Variants in TSHZ2 observed in about 807,000 individuals in gnomAD.
The protein encoded by TSHZ2 is teashirt homolog 2.
Under a neutral mutation model 74.4 loss-of-function variants are expected in TSHZ2, and 21 were observed. The ratio of observed to expected loss-of-function variants is 0.28; its 90% CI spans 0.20 to 0.41. The LOEUF (loss-of-function observed/expected upper bound fraction) is 0.41. TSHZ2 is among the 10% of genes least tolerant of loss of function. The pLI is 1.00. For synonymous variants in TSHZ2, 540 were observed against 515.3 expected (o/e 1.05, Z -0.65); for missense variants, 1,244 against 1,293.5 (o/e 0.96, Z 0.59).
chr20:53,388,608 T>TC (rs1287323379), intron 2 of TSHZ2, among the ~76,000 whole-genome samples: 49 of 150,240 alleles, frequency 3.3e-4, no homozygotes, highest in African/African-American at 1.1e-3. Flanking sequence ...TTTTTTTTTT[T>TC]CTTGAGATGG....
intron 2 of TSHZ2, among the ~76,000 whole-genome samples, chr20:53,374,938 A>C (rs983436827): frequency 1.3e-4 from 19 of 151,494 alleles, no homozygotes; most frequent in African/African-American, 4.2e-4. Context: ...AAAAAAAAAA[A>C]ACACTATTTT....
At chr20:53,102,177 G>A (rs1986235234) in intron 1 of TSHZ2, among the ~76,000 whole-genome samples, 1 of 152,058 alleles carries the variant, frequency 6.6e-6, no homozygotes, top group Admixed American at 6.6e-5. Context: ...GATAAATAAT[G>A]GACAATATGT....
chr20:53,375,694 G>T (rs1441580148), intron 2 of TSHZ2, among the ~76,000 whole-genome samples: 1 of 152,138 alleles, frequency 6.6e-6, no homozygotes, highest in Non-Finnish European at 1.5e-5. Context: ...AAGACCATCA[G>T]ATGGCCTATA....
intron 2 of TSHZ2, among the ~76,000 whole-genome samples, chr20:53,270,067 C>T (rs1405933542): frequency 1.3e-5 from 2 of 152,042 alleles, no homozygotes; most frequent in African/African-American, 4.8e-5. Flanking sequence ...GGAATCTGGC[C>T]ACAGTGAAAT....
intron 2 of TSHZ2, among the ~76,000 whole-genome samples, chr20:53,415,005 A>G (rs1457744270): frequency 6.6e-6 from 1 of 152,232 alleles, no homozygotes; most frequent in East Asian, 1.9e-4. Flanking sequence ...GGCCTGTCAT[A>G]TATAAATAGG....
At chr20:52,986,401 C>CAAAAAAAAA (rs34991984) in intron 1 of TSHZ2, among the ~76,000 whole-genome samples, 1 of 120,808 alleles carries the variant, frequency 8.3e-6, no homozygotes, top group Admixed American at 9.0e-5. Context: ...AAGAATCCAT[C>CAAAAAAAAA]AAAAAAAAAA....
At chr20:53,368,614 A>G (rs1217361654) in intron 2 of TSHZ2, among the ~76,000 whole-genome samples, 1 of 152,166 alleles carries the variant, frequency 6.6e-6, no homozygotes, top group Non-Finnish European at 1.5e-5. Context: ...CCTGGCCCCC[A>G]TGATAATTTT....
intron 2 of TSHZ2, among the ~76,000 whole-genome samples, chr20:53,313,186 T>C (rs900594095): frequency 4.6e-5 from 7 of 152,248 alleles, no homozygotes; most frequent in African/African-American, 1.7e-4. Context: ...CTGAACATTT[T>C]GCAAATACAG....
intron 1 of TSHZ2, among the ~76,000 whole-genome samples, chr20:53,220,850 G>A (rs377716274): frequency 1.3e-5 from 2 of 152,360 alleles, no homozygotes; most frequent in East Asian, 3.9e-4. Context: ...AAACTGTTGT[G>A]AACTGGAGTG....
intron 2 of TSHZ2, among the ~76,000 whole-genome samples, chr20:53,478,420 C>A (rs76066850): frequency 0.2 from 30,170 of 149,362 alleles, 3,190 homozygotes; most frequent in East Asian, 0.29. Flanking sequence ...GAACAAAAAA[C>A]CAAACACTGC....
At chr20:53,391,454 G>T (rs1178289677) in intron 2 of TSHZ2, among the ~76,000 whole-genome samples, 110 of 140,224 alleles carry the variant, frequency 7.8e-4, no homozygotes, top group Middle Eastern at 3.7e-3. Context: ...CGTTTTTTTT[G>T]TTTGTTTGTT....
At chr20:53,438,441 C>T (rs1328718314) in intron 2 of TSHZ2, among the ~76,000 whole-genome samples, 1 of 152,058 alleles carries the variant, frequency 6.6e-6, no homozygotes. Context: ...TCCAGCAGCC[C>T]CAAGTTGAGC....
chr20:53,484,347 G>C lies in TSHZ2; in HGVS notation c.*9-2797G>C, dbSNP rs1037447156. ...CCATCCTCTGCTTTTTATTAGCTGT[G>C]AACCCTAGGACAAGTCACTTACTTT... On this transcript the variant is annotated intron_variant, in intron 2 of 2. Coordinates refer to ENST00000371497, the MANE Select transcript of TSHZ2 (RefSeq NM_173485.6). Among the ~76,000 whole-genome samples the C allele has an allele frequency of 2.0e-5, 3 of 150,596 alleles. No individual in the cohort carries two copies. The East Asian group carries it at 5.8e-4, about 29-fold the overall frequency.
At chr20:53,122,767 G>T (rs1986847340) in intron 1 of TSHZ2, among the ~76,000 whole-genome samples, 1 of 152,150 alleles carries the variant, frequency 6.6e-6, no homozygotes, top group African/African-American at 2.4e-5. Flanking sequence ...CTGGGATGTT[G>T]GCTTCCATTC....
chr20:53,488,753 C>T lies in TSHZ2; in HGVS notation c.*1618C>T, dbSNP rs541869163. On this transcript the variant is annotated 3_prime_UTR_variant, in exon 3 of 3. Transcript: ENST00000371497. ...ACTGACAAAATGAAACCAAATATCT[C>T]TTCCTCACCATTTCTCAAGGAGGCT... 6.3e-6 allele frequency: 2 copies of T among 317,294 alleles called. No individual in the cohort carries two copies. Among genetic ancestry groups the T allele is most frequent in the African/African-American group, 4.4e-5 (2 of 45,490 alleles). The allele number at this position is 317,294 out of a possible 1,614,324, so 19.7% of individuals were successfully genotyped here.
intron 2 of TSHZ2, among the ~76,000 whole-genome samples, chr20:53,420,074 G>A (rs1983413093): frequency 1.3e-5 from 2 of 152,260 alleles, no homozygotes; most frequent in South Asian, 4.1e-4. Flanking sequence ...GCTCTATACA[G>A]AAGTCTACAG....
chr20:53,148,602 G>T (rs1028036374), intron 1 of TSHZ2, among the ~76,000 whole-genome samples: 1 of 152,136 alleles, frequency 6.6e-6, no homozygotes, highest in Admixed American at 6.5e-5. Flanking sequence ...CAGTGGTTTT[G>T]ATTGAAAGAA....
chr20:53,319,703 C>T (rs1288888548), intron 2 of TSHZ2, among the ~76,000 whole-genome samples: 1 of 152,244 alleles, frequency 6.6e-6, no homozygotes, highest in Admixed American at 6.5e-5. Context: ...GCTTCATGCA[C>T]TTAAGCTATT....
chr20:52,999,885 A>C (rs1170823752), intron 1 of TSHZ2, among the ~76,000 whole-genome samples: 1 of 151,890 alleles, frequency 6.6e-6, no homozygotes, highest in East Asian at 1.9e-4. Flanking sequence ...CTGAGTGCCT[A>C]CTGTGTGCCA....
Sources: allele counts gnomAD v4.1 joint callset (sites outside exome capture counted in the v4.1 genomes callset), GRCh38; gene constraint gnomAD v4.1.1; transcripts MANE v1.5; gene names NCBI Gene and HGNC (gene_info 2026-07-23, HGNC 2026-07-21).